Variants in METTL15 observed in about 807,000 individuals in gnomAD.
METTL15 encodes the protein 12S rRNA N(4)-cytidine methyltransferase METTL15.
METTL15 carries 34 observed loss-of-function variants against 38.3 expected under a neutral mutation model. That is an observed-to-expected ratio of 0.89 (90% CI 0.68 to 1.18). METTL15 has a LOEUF of 1.18. METTL15 is among the 50% of genes most tolerant of loss of function. The pLI is 0.00. For synonymous variants in METTL15, 162 were observed against 170.9 expected (o/e 0.95, Z 0.41); for missense variants, 438 against 498.4 (o/e 0.88, Z 1.15).
intron 6 of METTL15, among the ~76,000 whole-genome samples, chr11:28,315,062 G>A (rs181333075): frequency 7.1e-4 from 108 of 152,230 alleles, no homozygotes; most frequent in African/African-American, 2.4e-3. Context: ...ACAATAAATT[G>A]GTACTGGGAT....
intron 4 of METTL15, among the ~76,000 whole-genome samples, chr11:28,213,800 C>T (rs1220898537): frequency 2.0e-5 from 3 of 151,362 alleles, no homozygotes; most frequent in Non-Finnish European, 2.9e-5. Context: ...GGACTATAGG[C>T]GCTTGTCACC....
chr11:28,279,252 T>A (rs1428511874), intron 4 of METTL15, among the ~76,000 whole-genome samples: 1 of 152,210 alleles, frequency 6.6e-6, no homozygotes, highest in Non-Finnish European at 1.5e-5. Context: ...TTGCATGACA[T>A]CTATTTCTGT....
intron 3 of METTL15, among the ~76,000 whole-genome samples, chr11:28,115,601 C>T (rs1322032562): frequency 2.0e-5 from 3 of 151,792 alleles, no homozygotes; most frequent in Non-Finnish European, 4.4e-5. Context: ...ATACTGTATT[C>T]TTACAATAAA....
chr11:28,165,536 CTATT>C (rs1201023485), intron 3 of METTL15, among the ~76,000 whole-genome samples: 4 of 151,878 alleles, frequency 2.6e-5, no homozygotes. Context: ...TGTTTTCTTG[CTATT>C]TAGTTTTTTG....
chr11:28,335,182 T>C (rs1269222998), downstream of METTL15, among the ~76,000 whole-genome samples: 1 of 152,178 alleles, frequency 6.6e-6, no homozygotes, highest in Non-Finnish European at 1.5e-5. Context: ...AAGATTTGTA[T>C]TATTAAGCCA....
chr11:28,182,782 A>G (rs758748601), intron 3 of METTL15, among the ~76,000 whole-genome samples: 11 of 152,162 alleles, frequency 7.2e-5, no homozygotes, highest in Non-Finnish European at 1.3e-4. Context: ...GTTTTTTCCA[A>G]TTCCGTGAAG....
At chr11:28,477,659 C>T (rs1370947863) in intron 6 of METTL15, 2 of 152,096 alleles carry the variant, frequency 1.3e-5, no homozygotes, top group African/African-American at 4.8e-5. Flanking sequence ...TATACACTGT[C>T]TATTTAAAGA....
At chr11:28,421,649 A>T (rs1229743635) in intron 5 of METTL15, among the ~76,000 whole-genome samples, 2 of 152,058 alleles carry the variant, frequency 1.3e-5, no homozygotes, top group Non-Finnish European at 2.9e-5. Flanking sequence ...CAGTTGAAAA[A>T]ATTTAACATC....
At chr11:28,226,158 G>C (rs574211457) in intron 4 of METTL15, among the ~76,000 whole-genome samples, 84 of 151,836 alleles carry the variant, frequency 5.5e-4, no homozygotes, top group African/African-American at 2.0e-3. Flanking sequence ...TCAAGCAATA[G>C]GTTCCTTCTG....
intron 4 of METTL15, among the ~76,000 whole-genome samples, chr11:28,232,978 G>T (rs1853752309): frequency 6.6e-6 from 1 of 151,990 alleles, no homozygotes; most frequent in Non-Finnish European, 1.5e-5. Context: ...ACTAGTCTAA[G>T]CTTGGAATTT....
intron 4 of METTL15, among the ~76,000 whole-genome samples, chr11:28,272,139 C>G (rs1481125229): frequency 2.0e-5 from 3 of 152,122 alleles, no homozygotes; most frequent in African/African-American, 7.2e-5. Flanking sequence ...ATTAGTTGAA[C>G]CATTGTGGAA....
At chr11:28,373,546 A>T (rs1253512134) in intron 5 of METTL15, among the ~76,000 whole-genome samples, 1 of 151,654 alleles carries the variant, frequency 6.6e-6, no homozygotes, top group Non-Finnish European at 1.5e-5. Context: ...GGTTGCAAAA[A>T]TTTTCTCCCA....
chr11:28,141,776 G>C (rs139065170), intron 3 of METTL15, among the ~76,000 whole-genome samples: 1 of 152,286 alleles, frequency 6.6e-6, no homozygotes. Context: ...ACAATGGCTG[G>C]TTATTGCTTA....
chr11:28,310,914 CTGGTGGTGG>C (rs1176508624), intron 6 of METTL15, among the ~76,000 whole-genome samples: 28 of 110,118 alleles, frequency 2.5e-4, no homozygotes, highest in Middle Eastern at 4.4e-3. Flanking sequence ...GCTGCTGCTG[CTGGTGGTGG>C]TGGTGGTGGT....
At chr11:28,186,113 A>G (rs1851485360) in intron 3 of METTL15, among the ~76,000 whole-genome samples, 1 of 151,062 alleles carries the variant, frequency 6.6e-6, no homozygotes. Flanking sequence ...AACTGTTTAA[A>G]GCTATGGCCA....
intron 4 of METTL15, among the ~76,000 whole-genome samples, chr11:28,214,881 T>C (rs1182640031): frequency 1.3e-5 from 2 of 152,186 alleles, no homozygotes; most frequent in East Asian, 3.9e-4. Context: ...AGAAGAACTC[T>C]AGGGACAACA....
chr11:28,182,094 T>C (rs1851311603), intron 3 of METTL15, among the ~76,000 whole-genome samples: 1 of 152,162 alleles, frequency 6.6e-6, no homozygotes, highest in South Asian at 2.1e-4. Flanking sequence ...TGCCCACTTT[T>C]TGATGGGGTT....
intron 6 of METTL15, among the ~76,000 whole-genome samples, chr11:28,425,844 A>C (rs191837898): frequency 4.1e-4 from 62 of 152,314 alleles, no homozygotes; most frequent in African/African-American, 1.5e-3. Context: ...TATGACCAAG[A>C]TTGGCAATAT....
At chr11:28,280,012 A>G (rs1855994392) in intron 4 of METTL15, among the ~76,000 whole-genome samples, 1 of 151,952 alleles carries the variant, frequency 6.6e-6, no homozygotes, top group Admixed American at 6.5e-5. Flanking sequence ...TAACTACATT[A>G]ATTCTATTCT....
Sources: allele counts gnomAD v4.1 joint callset (sites outside exome capture counted in the v4.1 genomes callset), GRCh38; gene constraint gnomAD v4.1.1; transcripts MANE v1.5; gene names NCBI Gene and HGNC (gene_info 2026-07-23, HGNC 2026-07-21).